L3MBTL2: variants seen among roughly 807,000 people sequenced by gnomAD.
L3MBTL2 encodes lethal(3)malignant brain tumor-like protein 2.
In L3MBTL2, 49 loss-of-function variants were observed where a neutral mutation model predicts 86.4. That is an observed-to-expected ratio of 0.57 (90% CI 0.45 to 0.72). The LOEUF (loss-of-function observed/expected upper bound fraction) is 0.72. L3MBTL2 is among the 30% of genes least tolerant of loss of function. The pLI is 0.00. For missense variants in L3MBTL2, 755 were observed against 923.7 expected, an observed-to-expected ratio of 0.82 and a Z score of 2.37; for synonymous variants, 336 against 350.6, an observed-to-expected ratio of 0.96 and a Z score of 0.47.
At chr22:41,210,235 C>T (rs2030629454) in intron 2 of L3MBTL2, among the ~76,000 whole-genome samples, 2 of 149,732 alleles carry the variant, frequency 1.3e-5, no homozygotes, top group Admixed American at 1.3e-4. Flanking sequence ...CTGCAACTTC[C>T]ACCTCCTGAG....
chr22:41,217,386 C>T, intron 5 of L3MBTL2, 184 bp downstream of exon 5: 1 of 585,006 alleles, frequency 1.7e-6, no homozygotes, highest in South Asian at 2.0e-5. Context: ...ACAAACACTT[C>T]TATCACCTGC....
chr22:41,225,085 C>T lies in L3MBTL2; in HGVS notation c.1356+14C>T, dbSNP rs189919388. On this transcript the variant is annotated intron_variant, in intron 11 of 16. Transcript: ENST00000216237. The surrounding 1 kb of genome is among the most constrained non-coding windows in gnomAD (Gnocchi z 4.1). ...ACTGTCTGTAAGGTGAGCCAGGGGC[C>T]GGCTCTCCAGCCTCCAGATTTCTGA... 8.0e-5 allele frequency: 129 copies of T among 1,602,668 alleles called. No individual in the cohort carries two copies. The East Asian group carries it at 2.6e-3, about 32-fold the overall frequency.
chr22:41,224,716 C>T lies in L3MBTL2; in HGVS notation c.1175-9C>T, dbSNP rs1407609028. 1 of 1,610,230 alleles carries T rather than the reference C, an allele frequency of 6.2e-7. No homozygotes were observed. Among genetic ancestry groups the T allele is most frequent in the South Asian group, 1.1e-5 (1 of 90,994 alleles). On this transcript the variant is annotated splice_polypyrimidine_tract_variant and intron_variant, in intron 9 of 16. Transcript: ENST00000216237. This position sits in a 1 kb window ranked among gnomAD's most constrained non-coding sequence, Gnocchi z 4.9. ...TCTCTCCCTCATTCCCTATCCATCT[C>T]CTCCAAAGAGAGGCGAAGTGACATG...
chr22:41,206,614 T>C (rs1472516223), intron 1 of L3MBTL2, among the ~76,000 whole-genome samples: 2 of 151,932 alleles, frequency 1.3e-5, no homozygotes, highest in Non-Finnish European at 2.9e-5. Flanking sequence ...CTGGCTAACA[T>C]GGTGAAACCC....
chr22:41,209,040 T>C (rs1407433380), intron 1 of L3MBTL2: 1 of 152,382 alleles, frequency 6.6e-6, no homozygotes, highest in Non-Finnish European at 1.5e-5. Flanking sequence ...TGTGCCTGGC[T>C]AAGAATTAAT....
At position 41,224,506 on chromosome 22, in the gene L3MBTL2, G is replaced by C. The variant is rs75021313; in HGVS notation, c.1175-219G>C. Among the ~76,000 whole-genome samples, 2,517 of 152,260 alleles carry C rather than the reference G, an allele frequency of 0.017. 67 individuals carry two copies. The highest frequency in any genetic ancestry group is 0.058 in the African/African-American group (2,401 of 41,518). On this transcript the variant is annotated intron_variant, in intron 9 of 16. Coordinates refer to ENST00000216237, the MANE Select transcript of L3MBTL2 (RefSeq NM_031488.5). This position sits in a 1 kb window ranked among gnomAD's most constrained non-coding sequence, Gnocchi z 4.9. ...TCCCCTGTCAATGCGGGAGCAGTCT[G>C]GGTTTCGAGGGCTGAAGAGTCCCTA...
intron 8 of L3MBTL2, among the ~76,000 whole-genome samples, chr22:41,221,804 C>T (rs1176648328): frequency 5.9e-5 from 9 of 152,016 alleles, no homozygotes; most frequent in Admixed American, 5.2e-4. Context: ...GGAGTTTCAC[C>T]GTGGTAGCCA....
chr22:41,221,156 T>TG (rs139471), intron 7 of L3MBTL2, 43 bp from the exon 8 acceptor site: 993,710 of 1,496,826 alleles, frequency 0.66, 334,891 homozygotes, highest in African/African-American at 0.91. Flanking sequence ...TCAGTGGAGG[T>TG]TTGTCAGTCT....
rs935996787 is a variant in L3MBTL2, at chr22:41,227,029, G to A, written c.1588-60G>A. 8 of 1,465,432 alleles carry A rather than the reference G, an allele frequency of 5.5e-6. No homozygotes were observed. Among genetic ancestry groups the A allele is most frequent in the Non-Finnish European group, 6.5e-6 (7 of 1,075,118 alleles). 90.8% of individuals were successfully genotyped at this position (1,465,432 alleles called of 1,614,324 possible). The stretch of plus-strand genomic sequence containing the variant: ...GTTCTTCAAGTGCCTCCGGGCCGGG[G>A]CAAGCCTGCTGGGGTAGGGAGCTGA... On this transcript the variant is annotated intron_variant, in intron 13 of 16. Coordinates refer to ENST00000216237, the MANE Select transcript of L3MBTL2 (RefSeq NM_031488.5). This position sits in a 1 kb window ranked among gnomAD's most constrained non-coding sequence, Gnocchi z 6.0.
In L3MBTL2 at chr22:41,205,328, C is replaced by T. The variant is rs201398273; in HGVS notation, c.-35C>T. On this transcript the variant is annotated 5_prime_UTR_variant, in exon 1 of 17. Coordinates refer to ENST00000216237, the MANE Select transcript of L3MBTL2 (RefSeq NM_031488.5). ...CGACGGGGCAGGCCAATATGGCTTC[C>T]TGCACCTGGTGACGCTTGGCGAAAC... The T allele has an allele frequency of 6.2e-7, 1 of 1,614,094 alleles. No individual in the cohort carries two copies. Among genetic ancestry groups the T allele is most frequent in the Non-Finnish European group, 8.5e-7 (1 of 1,179,968 alleles).
intron 5 of L3MBTL2, chr22:41,218,298 A>G (rs2031550407): frequency 6.6e-6 from 1 of 152,204 alleles, no homozygotes; most frequent in African/African-American, 2.4e-5. Context: ...GGATCACCTG[A>G]GGTGAGGAGT....
At chr22:41,221,998 A>C (rs1290164714) in intron 8 of L3MBTL2, among the ~76,000 whole-genome samples, 1 of 152,100 alleles carries the variant, frequency 6.6e-6, no homozygotes, top group Non-Finnish European at 1.5e-5. Flanking sequence ...TCCTGGGTTC[A>C]AGCAATTCTT....
At chr22:41,226,609 C>A in intron 12 of L3MBTL2, 53 bp from the exon 13 acceptor site, 1 of 1,288,208 alleles carries the variant, frequency 7.8e-7, no homozygotes, top group Non-Finnish European at 1.1e-6. Flanking sequence ...TTTCCTCCTG[C>A]CCACTTCCTG....
chr22:41,221,991 TG>T (rs2031859304), intron 8 of L3MBTL2, among the ~76,000 whole-genome samples: 1 of 152,108 alleles, frequency 6.6e-6, no homozygotes, highest in South Asian at 2.1e-4. Context: ...CTCCGCTTCC[TG>T]GGTTCAAGCA....
intron 6 of L3MBTL2, among the ~76,000 whole-genome samples, chr22:41,219,963 C>T (rs189228300): frequency 6.6e-6 from 1 of 152,276 alleles, no homozygotes; most frequent in East Asian, 1.9e-4. Context: ...AGGCTGGTCT[C>T]AAACTCCTGA....
chr22:41,222,052 AC>A (rs1194885122), intron 8 of L3MBTL2, among the ~76,000 whole-genome samples: 1 of 151,774 alleles, frequency 6.6e-6, no homozygotes, highest in African/African-American at 2.4e-5. Flanking sequence ...GTGCGCACAC[AC>A]CACCATACTT....
chr22:41,221,820 G>C (rs2031843348), intron 8 of L3MBTL2, among the ~76,000 whole-genome samples: 1 of 151,964 alleles, frequency 6.6e-6, no homozygotes, highest in Non-Finnish European at 1.5e-5. Flanking sequence ...AGCCAGGATG[G>C]TCTCAATCTC....
Position 41,205,395 on chromosome 22 carries a change from G to T in L3MBTL2, c.24+9G>T, listed in dbSNP as rs1253616528. On this transcript the variant is annotated intron_variant, in intron 1 of 16. Coordinates refer to ENST00000216237, the MANE Select transcript of L3MBTL2 (RefSeq NM_031488.5). ...AGCCCCGGAGTATTGAGGTGAGAAG[G>T]CGAGGACTTAGCGTGACTGGGAAAG... The T allele has an allele frequency of 6.2e-7, 1 of 1,614,218 alleles. No individual in the cohort carries two copies.
intron 6 of L3MBTL2, among the ~76,000 whole-genome samples, chr22:41,220,279 C>T (rs540746269): frequency 2.6e-5 from 4 of 152,290 alleles, no homozygotes; most frequent in African/African-American, 7.2e-5. Flanking sequence ...GCTTTCCGAA[C>T]TAGGAGCATG....
Sources: allele counts gnomAD v4.1 joint callset (sites outside exome capture counted in the v4.1 genomes callset), GRCh38; gene constraint gnomAD v4.1.1; non-coding constraint Gnocchi (gnomAD v3.1); transcripts MANE v1.5; gene names NCBI Gene and HGNC (gene_info 2026-07-23, HGNC 2026-07-21).